Variants in CSMD2 observed in about 807,000 individuals in gnomAD.
CSMD2 encodes the protein CUB and sushi domain-containing protein 2.
In CSMD2, 130 loss-of-function variants were observed where a neutral mutation model predicts 398.5. The observed-to-expected ratio is 0.33, with a 90% CI of 0.28 to 0.38. CSMD2 has a LOEUF of 0.38. CSMD2 is among the 10% of genes least tolerant of loss of function. The probability of loss-of-function intolerance (pLI) is 1.00; values close to 1 mark genes in which losing one functional copy is unlikely to be tolerated. For missense variants in CSMD2, 3,829 were observed against 4,764.9 expected (o/e 0.80, Z 5.78); for synonymous variants, 1,828 against 1,908.5 (o/e 0.96, Z 1.10).
intron 25 of CSMD2, among the ~76,000 whole-genome samples, chr1:33,691,106 A>AAGGCCCTGAGCT (rs376568215): frequency 2.6e-5 from 4 of 152,156 alleles, no homozygotes; most frequent in East Asian, 1.9e-4. Flanking sequence ...AGTAGAAACA[A>AAGGCCCTGAGCT]AGGCCCTGAG....
In CSMD2 at chr1:33,977,370, C is replaced by T. The variant is rs1646004946; in HGVS notation, c.518-41416G>A. Among the ~76,000 whole-genome samples, 5 of 151,932 alleles carry T rather than the reference C, an allele frequency of 3.3e-5. No individual in the cohort carries two copies. In the South Asian group the frequency reaches 1.0e-3, roughly 32 times the overall value. ...TATTACCCAGCAAACTCTCCTCAGT[C>T]CATCCCTCCATCAGGGCAGAACAGG... is the stretch of plus-strand genomic sequence containing the variant. On this transcript the variant is annotated intron_variant, in intron 3 of 70. Coordinates refer to ENST00000373381, the MANE Select transcript of CSMD2 (RefSeq NM_001281956.2).
At chr1:33,614,768 A>C (rs952388382) in intron 39 of CSMD2, 148 bp from the exon 40 acceptor site, 5 of 584,532 alleles carry the variant, frequency 8.6e-6, no homozygotes, top group Non-Finnish European at 1.5e-5. Context: ...TCTTCTTAAA[A>C]GACTAAGCCC....
At chr1:33,641,725 C>A (rs1643119167) in intron 29 of CSMD2, among the ~76,000 whole-genome samples, 1 of 152,142 alleles carries the variant, frequency 6.6e-6, no homozygotes, top group Non-Finnish European at 1.5e-5. Context: ...AAAACCCACC[C>A]CTCTTTGCCT....
chr1:33,642,317 A>C (rs1314184845), intron 29 of CSMD2, among the ~76,000 whole-genome samples: 1 of 145,250 alleles, frequency 6.9e-6, no homozygotes, highest in Non-Finnish European at 1.5e-5. Flanking sequence ...ACTGCACTCC[A>C]GCCTGGGTGA....
Position 33,544,831 on chromosome 1 carries a change from T to TTATATA in CSMD2, c.9100+1200_9100+1205dup, listed in dbSNP as rs56072818. On this transcript the variant is annotated intron_variant, in intron 57 of 70. Transcript: ENST00000373381. ...ATGCCCTGACTTGACCACTGTGCAT[T>TTATATA]TATATATATATATATATATATATAC... Among the ~76,000 whole-genome samples the TTATATA allele has an allele frequency of 3.3e-3, 470 of 141,980 alleles. 5 individuals carry two copies. Among genetic ancestry groups the TTATATA allele is most frequent in the East Asian group, 0.024 (120 of 4,946 alleles). The allele number at this position is 141,980 out of a possible 152,430, so 93.1% of individuals were successfully genotyped here.
At chr1:33,993,094 A>G (rs1169697543) in intron 3 of CSMD2, among the ~76,000 whole-genome samples, 1 of 152,132 alleles carries the variant, frequency 6.6e-6, no homozygotes, top group Non-Finnish European at 1.5e-5. Context: ...GTGTCTCTAT[A>G]TATGTATATG....
intron 7 of CSMD2, among the ~76,000 whole-genome samples, chr1:33,824,061 C>T (rs1041071385): frequency 9.2e-5 from 14 of 152,072 alleles, no homozygotes; most frequent in African/African-American, 3.4e-4. Context: ...ATTTTGCATC[C>T]CCATTCTACA....
intron 35 of CSMD2, 31 bp from the exon 36 acceptor site, chr1:33,623,497 A>G (rs745544727): frequency 6.6e-5 from 101 of 1,539,464 alleles, no homozygotes; most frequent in Non-Finnish European, 8.5e-5. Flanking sequence ...ATTGTTGGTT[A>G]GGCAGCCTGC....
chr1:34,109,934 G>A (rs182209310), intron 1 of CSMD2, among the ~76,000 whole-genome samples: 1 of 151,338 alleles, frequency 6.6e-6, no homozygotes, highest in Non-Finnish European at 1.5e-5. Context: ...CCAGCTACTC[G>A]GGAGGCTGAG....
chr1:34,088,215 C>T (rs1658138215), intron 2 of CSMD2, among the ~76,000 whole-genome samples: 1 of 152,238 alleles, frequency 6.6e-6, no homozygotes, highest in African/African-American at 2.4e-5. Flanking sequence ...CAGGGCTTGG[C>T]TTGTAAGCCA....
At chr1:33,924,567 T>G (rs1208456985) in intron 4 of CSMD2, among the ~76,000 whole-genome samples, 1 of 152,204 alleles carries the variant, frequency 6.6e-6, no homozygotes, top group Non-Finnish European at 1.5e-5. Flanking sequence ...GTAGTGGAAT[T>G]GCTTGATCAT....
At chr1:33,614,888 G>C (rs1196639035) in intron 39 of CSMD2, among the ~76,000 whole-genome samples, 1 of 152,194 alleles carries the variant, frequency 6.6e-6, no homozygotes, top group Non-Finnish European at 1.5e-5. Flanking sequence ...CCCTTCACAG[G>C]TCAGTTCCCT....
intron 45 of CSMD2, 28 bp from the exon 46 acceptor site, chr1:33,586,645 C>A: frequency 6.9e-7 from 1 of 1,455,752 alleles, no homozygotes. Context: ...ACATGTAGAC[C>A]CTCTTAAGAA....
chr1:33,910,086 G>A (rs968498774), intron 5 of CSMD2, among the ~76,000 whole-genome samples: 2 of 151,122 alleles, frequency 1.3e-5, no homozygotes. Context: ...TCTCTTGCCT[G>A]CAGAGTCACA....
intron 3 of CSMD2, among the ~76,000 whole-genome samples, chr1:33,998,849 A>AGCTGGCTCTG (rs1467512574): frequency 1.3e-5 from 2 of 152,194 alleles, no homozygotes; most frequent in Non-Finnish European, 2.9e-5. Flanking sequence ...ATATCTATGA[A>AGCTGGCTCTG]GCTGGCTCTG....
chr1:33,622,603 G>A (rs1009871894), intron 36 of CSMD2, among the ~76,000 whole-genome samples: 1 of 152,204 alleles, frequency 6.6e-6, no homozygotes, highest in African/African-American at 2.4e-5. Flanking sequence ...GTCCTGCAGT[G>A]TGGACAGTTT....
intron 13 of CSMD2, among the ~76,000 whole-genome samples, chr1:33,754,802 ATC>A: frequency 6.6e-6 from 1 of 151,464 alleles, no homozygotes; most frequent in East Asian, 1.9e-4. Flanking sequence ...AGGATTGATC[ATC>A]TCTTATAAAA....
At chr1:33,745,700 ACATT>A (rs1480295744) in intron 13 of CSMD2, among the ~76,000 whole-genome samples, 2 of 152,226 alleles carry the variant, frequency 1.3e-5, no homozygotes, top group Non-Finnish European at 2.9e-5. Flanking sequence ...TTCTTAAGAC[ACATT>A]CAGTCTCATC....
intron 3 of CSMD2, among the ~76,000 whole-genome samples, chr1:33,986,814 A>G (rs541606223): frequency 1.3e-5 from 2 of 151,988 alleles, no homozygotes; most frequent in African/African-American, 4.8e-5. Context: ...GTCAGCATGG[A>G]CTCCAGGGCT....
Sources: gnomAD v4.1 joint callset for allele counts (sites outside exome capture counted in the v4.1 genomes callset) on GRCh38, gnomAD v4.1.1 for gene constraint, MANE v1.5 for transcripts, NCBI Gene and HGNC (gene_info 2026-07-23, HGNC 2026-07-21) for gene names.